Variants in PLEKHO1 observed in about 807,000 individuals in gnomAD.
PLEKHO1 encodes the protein pleckstrin homology domain containing O1, also known as pleckstrin homology domain-containing family O member 1.
A neutral mutation model predicts 41.4 loss-of-function variants in PLEKHO1; 22 were observed. That is an observed-to-expected ratio of 0.53 (90% CI 0.38 to 0.76). The LOEUF is 0.76. Ranked by LOEUF, PLEKHO1 falls within the 30% of genes least tolerant of loss-of-function variation. The pLI is 0.00. For missense variants in PLEKHO1, 488 were observed against 518.3 expected, an observed-to-expected ratio of 0.94 and a Z score of 0.57; for synonymous variants, 225 against 210.8, an observed-to-expected ratio of 1.07 and a Z score of -0.58.
In PLEKHO1 at chr1:150,159,169, G is replaced by A; in HGVS notation, c.876G>A (p.Glu292=). ...ASARTLQLRA[E]EPPTPALPNP... is the part of the protein sequence containing the mutation. ...CCCGCACCCTCCAGCTGCGGGCTGA[G>A]GAACCCCCAACCCCTGCCCTCCCCA... is the stretch of plus-strand genomic sequence containing the variant. The change falls in exon 6 of 6, where the codon GAG becomes GAA. Residue 292 remains glutamate, a synonymous_variant. Transcript: ENST00000369124. 1.2e-6 allele frequency: 2 copies of A among 1,611,510 alleles called. No individual in the cohort carries two copies. The highest frequency in any genetic ancestry group is 8.5e-7 in the Non-Finnish European group (1 of 1,178,944).
Position 150,157,001 on chromosome 1 carries a change from C to T in PLEKHO1, c.409C>T (p.Arg137Cys), listed in dbSNP as rs868975557. 8 of 1,608,988 alleles carry T rather than the reference C, an allele frequency of 5.0e-6. No homozygotes were observed. The highest frequency in any genetic ancestry group is 4.0e-5 in the African/African-American group (3 of 74,776). ...LNSAITRAKN[R>C]ILDEVTVEED... ...CTCTGCCATCACCCGAGCCAAGAACCGTATCTTGGATGAGGTCAGGGGGCT... is the reference window on the plus strand; with the variant it reads ...CTCTGCCATCACCCGAGCCAAGAACTGTATCTTGGATGAGGTCAGGGGGCT... The change falls in exon 4 of 6, where the codon CGT becomes TGT. Residue 137 changes from arginine (R) to cysteine (C), a missense_variant. By Grantham distance (180) the Arg-to-Cys change is radical. Around this residue, in one of 3 missense-constraint regions of PLEKHO1, gnomAD observed 59 missense variants for 111.5 expected, o/e 0.53. Transcript: ENST00000369124.
In PLEKHO1 at chr1:150,149,953, G is replaced by A. The variant is rs1659801510; in HGVS notation, c.-305G>A. On this transcript the variant is annotated 5_prime_UTR_variant, in exon 1 of 6. Transcript: ENST00000369124. ...GCCGGGGGAGCGGCCGCGCTGGGCCGGGCGGGCGGGTGGCGGGGGTGCGCT... is the reference window on the plus strand; with the variant it reads ...GCCGGGGGAGCGGCCGCGCTGGGCCAGGCGGGCGGGTGGCGGGGGTGCGCT... 1 of 151,266 alleles carries A rather than the reference G, an allele frequency of 6.6e-6. No individual in the cohort carries two copies. The highest frequency in any genetic ancestry group is 2.4e-5 in the African/African-American group (1 of 41,122). 9.4% of individuals were successfully genotyped at this position (151,266 alleles called of 1,614,324 possible).
rs781987912 is a variant in PLEKHO1 at position 150,157,414 on chromosome 1, C to T, written c.453C>T (p.Ala151=). 1.9e-6 allele frequency: 3 copies of T among 1,613,930 alleles called. No homozygotes were observed. Among genetic ancestry groups the T allele is most frequent in the South Asian group, 1.1e-5 (1 of 91,066 alleles). ...EVTVEEDSYL[A]HPTRDRAKIQ... is the part of the protein sequence containing the mutation. ...CCGTTGAGGAGGACAGCTATCTTGCCCATCCCACTCGAGACAGGGCAAAAA... is the reference window on the plus strand; with the variant it reads ...CCGTTGAGGAGGACAGCTATCTTGCTCATCCCACTCGAGACAGGGCAAAAA... Residue 151 remains alanine, a synonymous_variant, in exon 5 of 6, where the codon GCC becomes GCT. Coordinates refer to ENST00000369124, the MANE Select transcript of PLEKHO1 (RefSeq NM_016274.6).
At position 150,150,200 on chromosome 1, in the gene PLEKHO1, G is replaced by T; in HGVS notation, c.-58G>T. On this transcript the variant is annotated 5_prime_UTR_variant, in exon 1 of 6. The change creates a premature stop within an existing upstream ORF in the 5' untranslated region. Transcript: ENST00000369124. ...GGGAAGGAGCCCCCGCGGTGCCGCC[G>T]AGGCCCCGACGCGGGGCCGCCCCTC... The T allele has an allele frequency of 2.2e-6, 2 of 920,054 alleles. No homozygotes were observed. Among genetic ancestry groups the T allele is most frequent in the Non-Finnish European group, 2.6e-6 (2 of 763,298 alleles). 57.0% of individuals were successfully genotyped at this position (920,054 alleles called of 1,614,324 possible). A position where few individuals can be genotyped will look rare whatever the true frequency, so the allele number is the denominator to read the frequency against.
At chr1:150,157,094 G>A in intron 4 of PLEKHO1, 79 bp downstream of exon 4, 1 of 922,142 alleles carries the variant, frequency 1.1e-6, no homozygotes, top group Non-Finnish European at 1.8e-6. Context: ...GGGGAGGATT[G>A]TGCAGGCCCC....
intron 4 of PLEKHO1, 93 bp downstream of exon 4, chr1:150,157,108 T>C: frequency 3.7e-6 from 3 of 817,346 alleles, no homozygotes; most frequent in Non-Finnish European, 6.4e-6. Context: ...AGGCCCCGTT[T>C]ACTCGCTCCT....
chr1:150,157,245 A>G, intron 4 of PLEKHO1, 140 bp from the exon 5 acceptor site: 1 of 758,180 alleles, frequency 1.3e-6, no homozygotes, highest in South Asian at 1.5e-5. Flanking sequence ...GTCAGCTTAA[A>G]GAGCCCCCTT....
At chr1:150,150,313 C>A in intron 1 of PLEKHO1, 26 bp downstream of exon 1, 1 of 1,055,024 alleles carries the variant, frequency 9.5e-7, no homozygotes, top group African/African-American at 1.7e-5. Context: ...CGCCCTGCGG[C>A]CGCCGCCGCC....
At position 150,150,914 on chromosome 1, in the gene PLEKHO1, A is replaced by C. The variant is rs1553818755; in HGVS notation, c.33A>C (p.Gly11=). ...CTTCTCATCTTGTCCTGGGGCAGGG[A>C]CCTCAGGATGGAAACCAGCAGCCTG... MMKKNNSAKR[G]PQDGNQQPAP... The change falls in exon 2 of 6, where the codon GGA becomes GGC. Residue 11 remains glycine, a splice_region_variant and synonymous_variant. Coordinates refer to ENST00000369124, the MANE Select transcript of PLEKHO1 (RefSeq NM_016274.6). 1 of 1,613,212 alleles carries C rather than the reference A, an allele frequency of 6.2e-7. No homozygotes were observed. The highest frequency in any genetic ancestry group is 8.5e-7 in the Non-Finnish European group (1 of 1,179,328).
intron 2 of PLEKHO1, among the ~76,000 whole-genome samples, chr1:150,151,558 G>C (rs368328535): frequency 1.1e-4 from 16 of 152,198 alleles, no homozygotes; most frequent in African/African-American, 3.9e-4. Flanking sequence ...AGGCCCCTGT[G>C]ACCTCGGGTG....
intron 3 of PLEKHO1, among the ~76,000 whole-genome samples, chr1:150,156,449 G>C (rs1660172409): frequency 1.3e-5 from 2 of 151,988 alleles, no homozygotes; most frequent in Non-Finnish European, 2.9e-5. Context: ...ATTTTTCTCT[G>C]TCTTATACAC....
At chr1:150,153,634 G>C (rs371200037) in intron 2 of PLEKHO1, 1 of 152,018 alleles carries the variant, frequency 6.6e-6, no homozygotes, top group African/African-American at 2.4e-5. Context: ...CACCTCTGCC[G>C]TAGAATTTCT....
chr1:150,150,734 G>A (rs1659872185), intron 1 of PLEKHO1, 178 bp from the exon 2 acceptor site: 11 of 583,202 alleles, frequency 1.9e-5, no homozygotes. Flanking sequence ...GGGGAGCGGG[G>A]GGAGTTCCTC....
chr1:150,152,708 A>AAAC (rs1660000662), intron 2 of PLEKHO1: 2 of 150,876 alleles, frequency 1.3e-5, no homozygotes, highest in African/African-American at 2.4e-5. Flanking sequence ...AAAAAAAAAA[A>AAAC]AAAACAAGTG....
At chr1:150,158,673 A>G in intron 5 of PLEKHO1, 146 bp from the exon 6 acceptor site, 1 of 646,600 alleles carries the variant, frequency 1.5e-6, no homozygotes, top group Non-Finnish European at 2.7e-6. Context: ...TGGGTGACAG[A>G]GCAAGACTCT....
rs782406246 is a variant in PLEKHO1 at position 150,156,912 on chromosome 1, C to T, written c.320C>T (p.Ala107Val). Residue 107 changes from alanine (A) to valine (V), a missense_variant and splice_region_variant, in exon 4 of 6, where the codon GCA (alanine) becomes GTA (valine). Ala to Val is a moderately conservative substitution (Grantham distance 64). Around this residue, in one of 3 missense-constraint regions of PLEKHO1, gnomAD observed 59 missense variants for 111.5 expected, o/e 0.53. Transcript: ENST00000369124. ...GAAACAGGAATCTTCCCCTCACAGG[C>T]ACCCAACCTGATCTTCCTGGCAGTG... ...LAHSKQPGNT[A>V]PNLIFLAVSP... 1 of 1,605,600 alleles carries T rather than the reference C, an allele frequency of 6.2e-7. No individual in the cohort carries two copies. Among genetic ancestry groups the T allele is most frequent in the South Asian group, 1.1e-5 (1 of 90,904 alleles).
chr1:150,150,682 C>T, intron 1 of PLEKHO1: 1 of 513,880 alleles, frequency 1.9e-6, no homozygotes, highest in Non-Finnish European at 3.5e-6. Context: ...GGCCGGCGCC[C>T]CTGCCACTTG....
rs782102808 is a variant in PLEKHO1, at chr1:150,158,908, G to C, written c.615G>C (p.Glu205Asp). The C allele has an allele frequency of 6.2e-6, 10 of 1,614,038 alleles. No individual in the cohort carries two copies. The highest frequency in any genetic ancestry group is 5.1e-6 in the Non-Finnish European group (6 of 1,180,034). ...PSPEEPTSCA[E>D]SFRVDLDKSV... The stretch of plus-strand genomic sequence containing the variant: ...CTGAGGAACCAACCTCTTGTGCTGA[G>C]AGCTTTCGGGTTGACCTGGACAAGT... The change falls in exon 6 of 6, where the codon GAG becomes GAC. Residue 205 changes from glutamate to aspartate, a missense_variant. By Grantham distance (45) the Glu-to-Asp change is conservative. Around this residue, in one of 3 missense-constraint regions of PLEKHO1, gnomAD observed 337 missense variants for 324.6 expected, o/e 1.04. Transcript: ENST00000369124.
At chr1:150,157,102 C>G in intron 4 of PLEKHO1, 87 bp downstream of exon 4, 1 of 852,122 alleles carries the variant, frequency 1.2e-6, no homozygotes, top group African/African-American at 1.7e-5. Flanking sequence ...TTGTGCAGGC[C>G]CCGTTTACTC....
Sources: gnomAD v4.1 joint callset for allele counts (sites outside exome capture counted in the v4.1 genomes callset) on GRCh38, gnomAD v4.1.1 for gene constraint, gnomAD v4.1.1 regional missense constraint, MANE v1.5 for transcripts, NCBI Gene and HGNC (gene_info 2026-07-23, HGNC 2026-07-21) for gene names.